FAM13A: variants seen among roughly 807,000 people sequenced by gnomAD.
The protein encoded by FAM13A is protein FAM13A.
FAM13A carries 76 observed loss-of-function variants against 129.6 expected under a neutral mutation model. The observed-to-expected ratio is 0.59, with a 90% CI of 0.49 to 0.71. FAM13A has a LOEUF of 0.71. Ranked by LOEUF, FAM13A falls within the 30% of genes least tolerant of loss-of-function variation. FAM13A has a pLI of 0.00. For synonymous variants in FAM13A, 443 were observed against 449.9 expected (o/e 0.98, Z 0.20); for missense variants, 1,108 against 1,249.3 (o/e 0.89, Z 1.70).
rs539840750 is a variant in FAM13A, at chr4:88,835,845, C to A, written c.1007+15175G>T. 1.5e-3 allele frequency among the ~76,000 whole-genome samples: 232 copies of A among 152,226 alleles called. 7 individuals carry two copies. In the South Asian group the frequency reaches 0.047, roughly 31 times the overall value. On this transcript the variant is annotated intron_variant, in intron 7 of 23. Coordinates refer to ENST00000264344, the MANE Select transcript of FAM13A (RefSeq NM_014883.4). ...AGATGAGGCTTCACTCACTCACCTG[C>A]TGCTCACCTCCTAGTGTGGCCTGGT... is the stretch of plus-strand genomic sequence containing the variant.
intron 6 of FAM13A, among the ~76,000 whole-genome samples, chr4:88,867,686 A>T (rs1474243611): frequency 1.3e-5 from 2 of 152,204 alleles, no homozygotes; most frequent in African/African-American, 2.4e-5. Flanking sequence ...GATCTATCTT[A>T]AAAAAACACT....
chr4:88,805,333 C>A (rs1728342702), intron 7 of FAM13A, among the ~76,000 whole-genome samples: 1 of 152,062 alleles, frequency 6.6e-6, no homozygotes, highest in African/African-American at 2.4e-5. Flanking sequence ...TTCTAGAGGC[C>A]CAATTCAAGT....
At chr4:89,006,233 T>C (rs1005208547) in intron 3 of FAM13A, among the ~76,000 whole-genome samples, 8 of 152,218 alleles carry the variant, frequency 5.3e-5, no homozygotes, top group African/African-American at 1.9e-4. Flanking sequence ...TGCAGCCTTA[T>C]TTCTGGGCTC....
intron 7 of FAM13A, among the ~76,000 whole-genome samples, chr4:88,849,826 G>T (rs1057379543): frequency 1.3e-5 from 2 of 152,104 alleles, no homozygotes; most frequent in Non-Finnish European, 2.9e-5. Context: ...CATGAACCAG[G>T]CATTCAAGGT....
chr4:88,903,684 T>G (rs1283867473), intron 6 of FAM13A, among the ~76,000 whole-genome samples: 1 of 151,944 alleles, frequency 6.6e-6, no homozygotes, highest in African/African-American at 2.4e-5. Context: ...CACAAGAAAA[T>G]CTAGGCAATA....
intron 6 of FAM13A, among the ~76,000 whole-genome samples, chr4:88,879,727 C>G (rs147492953): frequency 5.6e-4 from 86 of 152,302 alleles, no homozygotes; most frequent in Non-Finnish European, 1.1e-3. Context: ...GAACTCTTTC[C>G]TTTTCCTTGG....
intron 19 of FAM13A, among the ~76,000 whole-genome samples, chr4:88,740,525 T>C (rs1179193395): frequency 2.0e-5 from 3 of 152,256 alleles, no homozygotes; most frequent in African/African-American, 4.8e-5. Context: ...GGGAATGAGA[T>C]GAAGTATCTT....
intron 6 of FAM13A, among the ~76,000 whole-genome samples, chr4:88,886,270 T>C (rs916654814): frequency 6.6e-6 from 1 of 152,222 alleles, no homozygotes; most frequent in Non-Finnish European, 1.5e-5. Flanking sequence ...CCAGCCCAAA[T>C]GCCTATCAAT....
At chr4:89,049,924 T>C (rs149384129) in intron 1 of FAM13A, among the ~76,000 whole-genome samples, 13 of 150,616 alleles carry the variant, frequency 8.6e-5, no homozygotes, top group Admixed American at 3.9e-4. Flanking sequence ...GGGATTCTGT[T>C]TTGAGCAACA....
chr4:88,898,610 T>C (rs1347535992), intron 6 of FAM13A, among the ~76,000 whole-genome samples: 1 of 152,022 alleles, frequency 6.6e-6, no homozygotes, highest in East Asian at 1.9e-4. Context: ...AATAAAACTA[T>C]AATTTTTTTT....
chr4:88,914,486 C>G (rs1561322702), intron 5 of FAM13A, among the ~76,000 whole-genome samples: 1 of 152,212 alleles, frequency 6.6e-6, no homozygotes, highest in Non-Finnish European at 1.5e-5. Context: ...CAAGTCCCTT[C>G]CTGCCTTCCA....
intron 4 of FAM13A, among the ~76,000 whole-genome samples, chr4:88,944,602 C>T (rs1280056281): frequency 1.3e-5 from 2 of 152,006 alleles, no homozygotes; most frequent in Non-Finnish European, 2.9e-5. Context: ...AGTTAAGATG[C>T]TTTTAAAAGT....
intron 7 of FAM13A, among the ~76,000 whole-genome samples, chr4:88,822,646 G>A (rs1371877706): frequency 6.6e-6 from 1 of 152,066 alleles, no homozygotes; most frequent in Admixed American, 6.5e-5. Flanking sequence ...GCTAAGAAGC[G>A]GATTCAGTTT....
intron 4 of FAM13A, among the ~76,000 whole-genome samples, chr4:88,947,504 GGAGA>G (rs1336615337): frequency 3.9e-5 from 6 of 152,128 alleles, no homozygotes; most frequent in South Asian, 2.1e-4. Flanking sequence ...AGAAAAATCA[GGAGA>G]GAGAGATAGC....
At chr4:88,860,762 C>T (rs1184819897) in intron 6 of FAM13A, among the ~76,000 whole-genome samples, 1 of 152,180 alleles carries the variant, frequency 6.6e-6, no homozygotes, top group Non-Finnish European at 1.5e-5. Context: ...GAATGTTTTG[C>T]ACTCCTTTTG....
intron 7 of FAM13A, among the ~76,000 whole-genome samples, chr4:88,822,154 T>C (rs1732079847): frequency 6.6e-6 from 1 of 152,218 alleles, no homozygotes; most frequent in Non-Finnish European, 1.5e-5. Context: ...TGCCACTGCA[T>C]GTAAAGCAGT....
intron 4 of FAM13A, among the ~76,000 whole-genome samples, chr4:88,985,721 CA>C (rs1762144236): frequency 6.6e-6 from 1 of 151,642 alleles, no homozygotes; most frequent in African/African-American, 2.4e-5. Context: ...TACATATGCA[CA>C]AGTTTATTTG....
At chr4:88,780,383 A>T (rs903273319) in intron 11 of FAM13A, among the ~76,000 whole-genome samples, 4 of 152,116 alleles carry the variant, frequency 2.6e-5, no homozygotes, top group Non-Finnish European at 5.9e-5. Flanking sequence ...GTAGGAGAGG[A>T]TATTGCCTAT....
intron 6 of FAM13A, among the ~76,000 whole-genome samples, chr4:88,896,625 C>A (rs1746383899): frequency 6.6e-6 from 1 of 152,090 alleles, no homozygotes. Context: ...TTAAATGATT[C>A]ATAGTTCCTG....
Sources: gnomAD v4.1 joint callset for allele counts (sites outside exome capture counted in the v4.1 genomes callset) on GRCh38, gnomAD v4.1.1 for gene constraint, MANE v1.5 for transcripts, NCBI Gene and HGNC (gene_info 2026-07-23, HGNC 2026-07-21) for gene names.